ZFHX3: variants seen among roughly 807,000 people sequenced by gnomAD.
ZFHX3 encodes zinc finger homeobox 3.
ZFHX3 carries 42 observed loss-of-function variants against 279.1 expected under a neutral mutation model. The ratio of observed to expected loss-of-function variants is 0.15; its 90% CI spans 0.12 to 0.19. The LOEUF (loss-of-function observed/expected upper bound fraction) is 0.19. ZFHX3 is among the 10% of genes least tolerant of loss of function. ZFHX3 has a pLI of 1.00. For synonymous variants in ZFHX3, 2,293 were observed against 1,957.8 expected, an observed-to-expected ratio of 1.17 and a Z score of -4.52; for missense variants, 4,981 against 4,754.0, an observed-to-expected ratio of 1.05 and a Z score of -1.40.
chr16:73,578,624 T>C (rs1448120336), intron 2 of ZFHX3, among the ~76,000 whole-genome samples: 1 of 152,164 alleles, frequency 6.6e-6, no homozygotes, highest in Admixed American at 6.5e-5. Flanking sequence ...GGAAGTGATG[T>C]GTTTTTTTTT....
At chr16:73,351,802 G>A (rs972128371) in intron 3 of ZFHX3, among the ~76,000 whole-genome samples, 1 of 152,172 alleles carries the variant, frequency 6.6e-6, no homozygotes, top group Non-Finnish European at 1.5e-5. Context: ...AGGTCCATGG[G>A]GGTGACCTCC....
intron 3 of ZFHX3, among the ~76,000 whole-genome samples, chr16:72,921,632 C>T (rs1210493229): frequency 6.6e-6 from 1 of 152,236 alleles, no homozygotes; most frequent in Non-Finnish European, 1.5e-5. Context: ...GTGGCCTCGC[C>T]TTCCCCCAAT....
At chr16:72,914,203 T>G (rs2039386891) in intron 3 of ZFHX3, among the ~76,000 whole-genome samples, 1 of 152,348 alleles carries the variant, frequency 6.6e-6, no homozygotes, top group Admixed American at 6.5e-5. Context: ...ACAGTGGCAC[T>G]GTGAGTGACA....
rs545085383 is a variant in ZFHX3 at position 73,239,838 on chromosome 16, A to G, written c.-1104+17209T>C. Among the ~76,000 whole-genome samples the G allele has an allele frequency of 1.8e-4, 27 of 152,268 alleles. 1 individual carries two copies. The highest frequency in any genetic ancestry group is 1.1e-3 in the Admixed American group (17 of 15,294). On this transcript the variant is annotated intron_variant, in intron 5 of 17. Coordinates refer to the ZFHX3 transcript ENST00000641206. The stretch of plus-strand genomic sequence containing the variant: ...ATTTGGAAATGCACTGATTCTTGTT[A>G]TTTGCAGTAGTTATGCTCTGTAAAG...
chr16:72,967,628 T>G (rs898849619), intron 1 of ZFHX3, among the ~76,000 whole-genome samples: 3 of 152,164 alleles, frequency 2.0e-5, no homozygotes, highest in Admixed American at 2.0e-4. Context: ...GATGAAAGTT[T>G]GAATACTTCC....
intron 3 of ZFHX3, among the ~76,000 whole-genome samples, chr16:72,934,272 A>C (rs1352106569): frequency 6.6e-6 from 1 of 152,144 alleles, no homozygotes; most frequent in Non-Finnish European, 1.5e-5. Context: ...TAAAAATACA[A>C]AAAAAGTTAG....
At chr16:73,604,367 C>T (rs749746637) in intron 2 of ZFHX3, among the ~76,000 whole-genome samples, 3 of 152,032 alleles carry the variant, frequency 2.0e-5, no homozygotes, top group African/African-American at 7.3e-5. Flanking sequence ...CCCAAAATCA[C>T]CTCCCCAGGC....
intron 1 of ZFHX3, among the ~76,000 whole-genome samples, chr16:73,800,416 C>T (rs1056891331): frequency 1.1e-4 from 17 of 152,014 alleles, no homozygotes; most frequent in African/African-American, 3.6e-4. Flanking sequence ...GGGGTTTCAC[C>T]ATATTGGTCA....
intron 5 of ZFHX3, among the ~76,000 whole-genome samples, chr16:73,190,763 C>T (rs188873643): frequency 6.6e-6 from 1 of 152,160 alleles, no homozygotes; most frequent in Admixed American, 6.5e-5. Flanking sequence ...AGCCAGTTTC[C>T]AATTAATCAG....
intron 4 of ZFHX3, among the ~76,000 whole-genome samples, chr16:72,865,076 G>A (rs933812104): frequency 2.6e-5 from 4 of 152,162 alleles, no homozygotes; most frequent in Non-Finnish European, 5.9e-5. Flanking sequence ...AGTGACAGCC[G>A]GCTGAACCAC....
At chr16:73,139,892 A>G (rs558958827) in intron 6 of ZFHX3, among the ~76,000 whole-genome samples, 2 of 152,222 alleles carry the variant, frequency 1.3e-5, no homozygotes, top group Admixed American at 6.5e-5. Flanking sequence ...GAGGGAGACC[A>G]TGGTACTGCT....
intron 3 of ZFHX3, among the ~76,000 whole-genome samples, chr16:73,335,512 C>A (rs963199210): frequency 3.9e-5 from 6 of 152,186 alleles, no homozygotes; most frequent in Non-Finnish European, 7.3e-5. Context: ...CCATCCACGG[C>A]TTTATAGTTA....
intron 2 of ZFHX3, among the ~76,000 whole-genome samples, chr16:73,536,777 G>C (rs2019909198): frequency 6.6e-6 from 1 of 152,122 alleles, no homozygotes; most frequent in Admixed American, 6.5e-5. Context: ...GTCCGGATTT[G>C]TCAGAGGACT....
At chr16:73,398,046 C>T (rs1483175892) in intron 3 of ZFHX3, among the ~76,000 whole-genome samples, 3 of 152,078 alleles carry the variant, frequency 2.0e-5, no homozygotes, top group African/African-American at 4.8e-5. Context: ...GGTTTCACCA[C>T]GCTGGCCAGG....
intron 1 of ZFHX3, among the ~76,000 whole-genome samples, chr16:73,867,745 A>G (rs896882172): frequency 6.6e-6 from 1 of 152,174 alleles, no homozygotes; most frequent in African/African-American, 2.4e-5. Context: ...ATATCTGTAG[A>G]TAATTGTATC....
In ZFHX3 at chr16:73,858,649, G is replaced by T. The variant is rs369135712; in HGVS notation, c.-1608+33002C>A. 2.0e-4 allele frequency among the ~76,000 whole-genome samples: 30 copies of T among 152,258 alleles called. 3 individuals carry two copies. Among genetic ancestry groups the T allele is most frequent in the Admixed American group, 1.6e-3 (24 of 15,286 alleles). The stretch of plus-strand genomic sequence containing the variant: ...ATGGGTTAATCTAGCATTTGCATTT[G>T]GGAGGAATAATTCAACATTAAACTC... On this transcript the variant is annotated intron_variant, in intron 1 of 17. Transcript: ENST00000641206.
intron 1 of ZFHX3, among the ~76,000 whole-genome samples, chr16:73,018,370 G>A (rs1366102019): frequency 1.3e-5 from 2 of 152,130 alleles, no homozygotes; most frequent in African/African-American, 2.4e-5. Flanking sequence ...CACTTTGGGA[G>A]GCTGAACGGG....
At chr16:73,276,019 A>T (rs1025725610) in intron 4 of ZFHX3, among the ~76,000 whole-genome samples, 2 of 152,184 alleles carry the variant, frequency 1.3e-5, no homozygotes, top group South Asian at 4.2e-4. Flanking sequence ...TTGGGAACTT[A>T]TTAGAAGATG....
At chr16:73,023,043 C>A (rs941264792) in intron 1 of ZFHX3, among the ~76,000 whole-genome samples, 17 of 152,190 alleles carry the variant, frequency 1.1e-4, no homozygotes, top group African/African-American at 4.1e-4. Context: ...ACCTGGCCAA[C>A]ATGGCAAAAC....
Sources: allele counts gnomAD v4.1 joint callset (sites outside exome capture counted in the v4.1 genomes callset), GRCh38; gene constraint gnomAD v4.1.1; transcripts MANE v1.5; gene names NCBI Gene and HGNC (gene_info 2026-07-23, HGNC 2026-07-21).